The following RALYL variants were observed in gnomAD, a reference collection of about 807,000 sequenced individuals.
RALYL encodes RALY RNA binding protein like.
In RALYL, 29 loss-of-function variants were observed where a neutral mutation model predicts 35.1. The ratio of observed to expected loss-of-function variants is 0.83; its 90% confidence interval spans 0.61 to 1.13. RALYL has a LOEUF of 1.13. Among genes scored for constraint, RALYL ranks in the 50% most tolerant of loss-of-function variants. The pLI is 0.00. For synonymous variants in RALYL, 120 were observed against 127.6 expected, an observed-to-expected ratio of 0.94 and a Z score of 0.40; for missense variants, 359 against 360.4, an observed-to-expected ratio of 1.00 and a Z score of 0.03.
intron 1 of RALYL, among the ~76,000 whole-genome samples, chr8:84,448,352 T>G (rs2133125421): frequency 6.6e-6 from 1 of 152,130 alleles, no homozygotes; most frequent in African/African-American, 2.4e-5. Flanking sequence ...ATGCTCCAAT[T>G]TTAGTTGTTG....
intron 2 of RALYL, among the ~76,000 whole-genome samples, chr8:84,672,203 A>T (rs924916061): frequency 1.3e-5 from 2 of 152,184 alleles, no homozygotes; most frequent in South Asian, 2.1e-4. Flanking sequence ...AAAGCATAAC[A>T]GGAGTCACTT....
At chr8:84,891,060 G>T (rs1288485201) in intron 8 of RALYL, among the ~76,000 whole-genome samples, 1 of 152,146 alleles carries the variant, frequency 6.6e-6, no homozygotes, top group African/African-American at 2.4e-5. Flanking sequence ...ATATTTCAGA[G>T]GTGGACAGTT....
chr8:84,835,502 T>TAAAAA (rs35745516), intron 4 of RALYL, among the ~76,000 whole-genome samples: 57 of 96,112 alleles, frequency 5.9e-4, no homozygotes, highest in Admixed American at 7.5e-4. Flanking sequence ...CTGTCTCTAC[T>TAAAAA]AAAAAAAAAA....
intron 1 of RALYL, among the ~76,000 whole-genome samples, chr8:84,287,548 G>A (rs914477032): frequency 6.6e-6 from 1 of 152,032 alleles, no homozygotes; most frequent in Non-Finnish European, 1.5e-5. Context: ...CATGAGAATC[G>A]AAAGAGGAGA....
intron 1 of RALYL, among the ~76,000 whole-genome samples, chr8:84,452,238 T>C (rs543519120): frequency 6.6e-6 from 1 of 151,736 alleles, no homozygotes; most frequent in South Asian, 2.1e-4. Flanking sequence ...TACTACTTTT[T>C]TTTTTTTTCC....
At chr8:84,331,826 A>G (rs150448397) in intron 1 of RALYL, among the ~76,000 whole-genome samples, 1 of 152,242 alleles carries the variant, frequency 6.6e-6, no homozygotes, top group South Asian at 2.1e-4. Flanking sequence ...ATATTCTGTA[A>G]TCAAACACAT....
chr8:84,537,534 T>A (rs2059697424), intron 2 of RALYL, among the ~76,000 whole-genome samples: 1 of 150,688 alleles, frequency 6.6e-6, no homozygotes, highest in Admixed American at 6.6e-5. Context: ...GGTATACAAA[T>A]GAGTGGGAGT....
intron 2 of RALYL, among the ~76,000 whole-genome samples, chr8:84,560,149 C>G (rs2061385421): frequency 6.6e-6 from 1 of 151,746 alleles, no homozygotes; most frequent in Non-Finnish European, 1.5e-5. Context: ...TAACTGCGAG[C>G]TAGACTTTCA....
At chr8:84,592,726 A>G (rs1000993198) in intron 2 of RALYL, among the ~76,000 whole-genome samples, 2 of 152,170 alleles carry the variant, frequency 1.3e-5, no homozygotes, top group Non-Finnish European at 2.9e-5. Context: ...AACCAAGAAG[A>G]CTGGGTTTAT....
chr8:84,637,299 G>C (rs113627885), intron 2 of RALYL, among the ~76,000 whole-genome samples: 3 of 151,808 alleles, frequency 2.0e-5, no homozygotes, highest in Non-Finnish European at 2.9e-5. Context: ...AAGGAAATGA[G>C]GAGTTAGATT....
intron 2 of RALYL, among the ~76,000 whole-genome samples, chr8:84,555,162 C>T (rs2061020433): frequency 6.6e-6 from 1 of 152,138 alleles, no homozygotes; most frequent in South Asian, 2.1e-4. Context: ...GCCTGTAATC[C>T]CAGCTACTCA....
At chr8:84,889,359 GT>G (rs1420827542) in intron 8 of RALYL, among the ~76,000 whole-genome samples, 2 of 152,100 alleles carry the variant, frequency 1.3e-5, no homozygotes, top group African/African-American at 4.8e-5. Flanking sequence ...ATTTACAATG[GT>G]TACTTCTCTG....
At chr8:84,516,434 T>C (rs983790572) in intron 1 of RALYL, among the ~76,000 whole-genome samples, 2 of 145,022 alleles carry the variant, frequency 1.4e-5, no homozygotes, top group Non-Finnish European at 3.1e-5. Context: ...AGAAGCTACT[T>C]TGTGGCTCGT....
chr8:84,617,092 T>C (rs1419725500), intron 2 of RALYL, among the ~76,000 whole-genome samples: 1 of 150,632 alleles, frequency 6.6e-6, no homozygotes, highest in Non-Finnish European at 1.5e-5. Context: ...TTTGGTTCCA[T>C]ATGAACTTTA....
At chr8:84,612,638 T>C (rs898818818) in intron 2 of RALYL, among the ~76,000 whole-genome samples, 6 of 151,752 alleles carry the variant, frequency 4.0e-5, no homozygotes, top group Non-Finnish European at 7.4e-5. Flanking sequence ...ATGTGAGATA[T>C]GTAACTTTCT....
chr8:84,419,490 A>G (rs1430247257), intron 1 of RALYL, among the ~76,000 whole-genome samples: 2 of 151,894 alleles, frequency 1.3e-5, no homozygotes, highest in Admixed American at 6.6e-5. Context: ...TTACTTGGCT[A>G]GTACTATCCT....
intron 1 of RALYL, among the ~76,000 whole-genome samples, chr8:84,201,445 G>GTGAGTA (rs1816819013): frequency 6.6e-6 from 1 of 152,154 alleles, no homozygotes; most frequent in Non-Finnish European, 1.5e-5. Context: ...ATATAACCTT[G>GTGAGTA]TGAGTATGAG....
intron 1 of RALYL, among the ~76,000 whole-genome samples, chr8:84,459,482 G>A (rs1050580011): frequency 6.6e-6 from 1 of 151,720 alleles, no homozygotes; most frequent in African/African-American, 2.4e-5. Flanking sequence ...ATCATTAAAG[G>A]TGTTGTAGGT....
chr8:84,269,304 C>G (rs2131914336), intron 1 of RALYL, among the ~76,000 whole-genome samples: 1 of 152,218 alleles, frequency 6.6e-6, no homozygotes, highest in South Asian at 2.1e-4. Flanking sequence ...TGCCATGGCA[C>G]ACTGAATGCT....
Sources: gnomAD v4.1 joint callset for allele counts (sites outside exome capture counted in the v4.1 genomes callset) on GRCh38, gnomAD v4.1.1 for gene constraint, MANE v1.5 for transcripts, NCBI Gene and HGNC (gene_info 2026-07-23, HGNC 2026-07-21) for gene names.